EGFL6: variants seen among roughly 807,000 people sequenced by gnomAD.
EGFL6 encodes the protein epidermal growth factor-like protein 6.
Under a neutral mutation model 43.1 loss-of-function variants are expected in EGFL6, and 42 were observed. The observed-to-expected ratio is 0.98, with a 90% CI of 0.76 to 1.26. The LOEUF is 1.26. Ranked by LOEUF, EGFL6 falls within the 50% of genes most tolerant of loss-of-function variation. The pLI, the probability that EGFL6 is intolerant of heterozygous loss-of-function variation, is 0.00. For synonymous variants in EGFL6, 164 were observed against 163.2 expected (o/e 1.01, Z -0.04); for missense variants, 429 against 427.8 (o/e 1.00, Z -0.02).
At chrX:13,628,244 G>A (rs1194387139) in intron 11 of EGFL6, among the ~76,000 whole-genome samples, 1 of 111,254 alleles carries the variant, frequency 9.0e-6, no homozygotes, top group Non-Finnish European at 1.9e-5. Context: ...GGACAACCCA[G>A]ACCTACTGAG....
chrX:13,606,488 T>C lies in EGFL6; in HGVS notation c.630T>C (p.Tyr210=). Residue 210 remains tyrosine (Y), a synonymous_variant, in exon 6 of 12, where the codon TAT becomes TAC. Coordinates refer to ENST00000361306, the MANE Select transcript of EGFL6 (RefSeq NM_015507.4). ...CKCHIGFELQ[Y]ISGRYDCIDI... is the part of the protein sequence containing the mutation. The stretch of plus-strand genomic sequence containing the variant: ...GTCACATTGGTTTCGAACTGCAATA[T>C]ATCAGTGGACGATATGACTGTATAG... The C allele has an allele frequency of 8.3e-7, 1 of 1,211,417 alleles. No individual in the cohort carries two copies. The highest frequency in any genetic ancestry group is 1.7e-5 in the African/African-American group (1 of 57,844).
intron 11 of EGFL6, among the ~76,000 whole-genome samples, chrX:13,632,403 G>A (rs748647541): frequency 5.4e-4 from 55 of 101,463 alleles, no homozygotes; most frequent in African/African-American, 1.9e-3. Flanking sequence ...CCGGGTTCAC[G>A]CCATTCTCCT....
In EGFL6 at chrX:13,569,946, G is replaced by A. The variant is rs376465073; in HGVS notation, c.74+11G>A. On this transcript the variant is annotated intron_variant, in intron 1 of 11. Coordinates refer to ENST00000361306, the MANE Select transcript of EGFL6 (RefSeq NM_015507.4). ...CGGGAACGCGGCCAGGTGAGTGTCTGACTGGCGATTGGCTTCCCCCCACCC... is the reference window on the plus strand; with the variant it reads ...CGGGAACGCGGCCAGGTGAGTGTCTAACTGGCGATTGGCTTCCCCCCACCC... The A allele has an allele frequency of 8.3e-7, 1 of 1,207,272 alleles. No homozygotes were observed. Among genetic ancestry groups the A allele is most frequent in the Non-Finnish European group, 1.1e-6 (1 of 892,599 alleles).
At chrX:13,582,091 C>T (rs1488896608) in intron 1 of EGFL6, among the ~76,000 whole-genome samples, 1 of 106,824 alleles carries the variant, frequency 9.4e-6, no homozygotes, top group Non-Finnish European at 1.9e-5. Context: ...GAGATGGAGT[C>T]TCACTCTGTT....
chrX:13,605,420 T>A (rs995742946), intron 5 of EGFL6, among the ~76,000 whole-genome samples: 3 of 106,109 alleles, frequency 2.8e-5, no homozygotes, highest in Admixed American at 1.0e-4. Flanking sequence ...AAAAAAAAAA[T>A]AATAAAAAAT....
rs769189261 is a variant in EGFL6 at position 13,569,857 on chromosome X, C to A, written c.-5C>A. 1.9e-4 allele frequency: 233 copies of A among 1,210,226 alleles called. 1 individual carries two copies. The South Asian group carries it at 3.8e-3, about 20-fold the overall frequency. ...TCAGGAGGAGGAAGGAGGACCCGTG[C>A]GAGAATGCCTCTGCCCTGGAGCCTT... On this transcript the variant is annotated 5_prime_UTR_variant, in exon 1 of 12. Coordinates refer to ENST00000361306, the MANE Select transcript of EGFL6 (RefSeq NM_015507.4).
Position 13,617,824 on chromosome X carries a change from A to G in EGFL6, c.873A>G (p.Lys291=). 1.7e-6 allele frequency: 2 copies of G among 1,211,506 alleles called. No homozygotes were observed. Among genetic ancestry groups the G allele is most frequent in the Middle Eastern group, 4.6e-4 (2 of 4,355 alleles). ...TGCTTGCTCACAAAAACAGCATGAA[A>G]AAGAAGGCAAAAATTAAAAATGTTA... The part of the protein sequence containing the change: ...KKLLAHKNSM[K]KKAKIKNVTP... The change falls in exon 8 of 12, where the codon AAA becomes AAG. Residue 291 remains lysine (K), a synonymous_variant. Coordinates refer to ENST00000361306, the MANE Select transcript of EGFL6 (RefSeq NM_015507.4).
intron 5 of EGFL6, among the ~76,000 whole-genome samples, chrX:13,606,176 G>T (rs1183592533): frequency 8.9e-6 from 1 of 111,807 alleles, no homozygotes; most frequent in Admixed American, 9.5e-5. Context: ...TCTTAAAAAG[G>T]TATAAAATAA....
At chrX:13,582,346 C>T (rs1490053822) in intron 1 of EGFL6, among the ~76,000 whole-genome samples, 2 of 110,904 alleles carry the variant, frequency 1.8e-5, no homozygotes, top group African/African-American at 6.6e-5. Flanking sequence ...CAGGCGTGGC[C>T]CACTGCGCCC....
intron 3 of EGFL6, among the ~76,000 whole-genome samples, chrX:13,597,783 C>CA (rs781380792): frequency 0.098 from 10,585 of 107,933 alleles, 470 homozygotes; most frequent in African/African-American, 0.17. Context: ...GACTCCATCT[C>CA]AGAAAAAAAA....
chrX:13,613,089 G>A (rs973909879), intron 7 of EGFL6, among the ~76,000 whole-genome samples: 2 of 107,467 alleles, frequency 1.9e-5, no homozygotes, highest in African/African-American at 6.9e-5. Context: ...AGATTGCAGT[G>A]AGCTGAGATC....
rs760609430 is a variant in EGFL6 at position 13,594,894 on chromosome X, C to T, written c.246C>T (p.Cys82=). 1.7e-6 allele frequency: 2 copies of T among 1,210,784 alleles called. No homozygotes were observed. The highest frequency in any genetic ancestry group is 4.3e-5 in the Admixed American group (2 of 46,068). Residue 82 remains cysteine (C), a synonymous_variant, in exon 3 of 12, where the codon TGC becomes TGT. Transcript: ENST00000361306. ...GCGTGGGACCAAACAAATGCAGATG[C>T]TTTCCAGGATACACCGGGAAAACCT... ...GECVGPNKCR[C]FPGYTGKTCS...
intron 5 of EGFL6, among the ~76,000 whole-genome samples, chrX:13,606,141 A>G (rs1340384235): frequency 8.9e-6 from 1 of 112,012 alleles, no homozygotes; most frequent in Non-Finnish European, 1.9e-5. Flanking sequence ...GAATGTAAGT[A>G]ATGACATTAT....
rs749533173 is a variant in EGFL6, at chrX:13,632,362, C to T, written c.1552-623C>T. ...TGTCGCCCAGGCTGGAGTGCAGTGG[C>T]GCGATCTCGGCTCACTGCAAGCTCC... On this transcript the variant is annotated intron_variant, in intron 11 of 11. Transcript: ENST00000361306. Among the ~76,000 whole-genome samples, 10 of 91,260 alleles carry T rather than the reference C, an allele frequency of 1.1e-4. No homozygotes were observed. The South Asian group carries it at 5.0e-3, about 45-fold the overall frequency. The allele number at this position is 91,260 out of a possible 115,157, so 79.2% of individuals were successfully genotyped here. A position where few individuals can be genotyped will look rare whatever the true frequency, so the allele number is the denominator to read the frequency against.
intron 1 of EGFL6, among the ~76,000 whole-genome samples, chrX:13,588,559 C>T (rs890297094): frequency 3.6e-5 from 4 of 111,074 alleles, no homozygotes; most frequent in African/African-American, 9.8e-5. Context: ...GAGCTTCATC[C>T]ATGGCGGCAC....
In EGFL6 at chrX:13,600,197, T is replaced by C. The variant is rs1315188969; in HGVS notation, c.400+103T>C. The C allele has an allele frequency of 5.0e-6, 4 of 798,465 alleles. No homozygotes were observed. The African/African-American group carries it at 8.6e-5, about 17-fold the overall frequency. 65.8% of individuals were successfully genotyped at this position (798,465 alleles called of 1,213,427 possible). A position where few individuals can be genotyped will look rare whatever the true frequency, so the allele number is the denominator to read the frequency against. ...GACTTCAGTGATTTTTTAAAAAATC[T>C]CTAATATTGCCCCCAGCTAAAATGT... On this transcript the variant is annotated intron_variant, in intron 4 of 11. Transcript: ENST00000361306.
At chrX:13,591,878 G>A (rs1273603090) in intron 2 of EGFL6, among the ~76,000 whole-genome samples, 1 of 111,798 alleles carries the variant, frequency 8.9e-6, no homozygotes, top group Admixed American at 9.5e-5. Context: ...ACTTCAGTGA[G>A]ATGAAATACA....
chrX:13,599,928 T>C, intron 3 of EGFL6, 47 bp from the exon 4 acceptor site: 1 of 1,195,356 alleles, frequency 8.4e-7, no homozygotes. Flanking sequence ...CATCTGGAAG[T>C]TTCCTGATTC....
intron 7 of EGFL6, among the ~76,000 whole-genome samples, chrX:13,612,320 C>T (rs2045693790): frequency 9.3e-6 from 1 of 107,844 alleles, no homozygotes; most frequent in African/African-American, 3.4e-5. Context: ...TCCATTTAAC[C>T]CTTAGTGGAC....
Sources: allele counts gnomAD v4.1 joint callset (sites outside exome capture counted in the v4.1 genomes callset), GRCh38; gene constraint gnomAD v4.1.1; transcripts MANE v1.5; gene names NCBI Gene and HGNC (gene_info 2026-07-23, HGNC 2026-07-21).